Variants in CRYBG1 observed in about 807,000 individuals in gnomAD.
CRYBG1 encodes the protein crystallin beta-gamma domain containing 1.
Under a neutral mutation model 189.2 loss-of-function variants are expected in CRYBG1, and 139 were observed. The ratio of observed to expected loss-of-function variants is 0.73; its 90% CI spans 0.64 to 0.85. CRYBG1 has a LOEUF of 0.85. CRYBG1 is among the 40% of genes least tolerant of loss of function. The pLI, the probability that CRYBG1 is intolerant of heterozygous loss-of-function variation, is 0.00. For synonymous variants in CRYBG1, 1,023 were observed against 1,017.1 expected (o/e 1.01, Z -0.11); for missense variants, 2,611 against 2,675.8 (o/e 0.98, Z 0.53).
intron 2 of CRYBG1, among the ~76,000 whole-genome samples, chr6:106,483,903 C>A (rs1180591155): frequency 6.6e-6 from 1 of 152,044 alleles, no homozygotes; most frequent in Non-Finnish European, 1.5e-5. Context: ...TTTTACAAAT[C>A]TTATTTAAAA....
intron 2 of CRYBG1, among the ~76,000 whole-genome samples, chr6:106,467,679 TAGAA>T (rs67822229): frequency 0.084 from 12,791 of 151,968 alleles, 693 homozygotes; most frequent in East Asian, 0.21. Context: ...AAGAACAAAT[TAGAA>T]AGAGAAGAAT....
At chr6:106,559,174 T>A (rs1256611582) in intron 18 of CRYBG1, among the ~76,000 whole-genome samples, 1 of 152,202 alleles carries the variant, frequency 6.6e-6, no homozygotes, top group Non-Finnish European at 1.5e-5. Context: ...ACACCTCTCA[T>A]AGTCTAGCAA....
intron 1 of CRYBG1, among the ~76,000 whole-genome samples, chr6:106,389,292 T>C (rs1246798140): frequency 6.6e-6 from 1 of 152,192 alleles, no homozygotes; most frequent in Non-Finnish European, 1.5e-5. Flanking sequence ...CATTTTAATA[T>C]TGGTGTGTTT....
chr6:106,511,810 T>C lies in CRYBG1; in HGVS notation c.693T>C (p.Asp231=), dbSNP rs1390932988. The part of the protein sequence containing the change: ...AVAVQQCHEN[D]SPQLEPLEAE... ...CTGTGCAGCAGTGCCATGAAAATGA[T>C]TCACCCCAATTAGAACCTCTGGAGG... The change falls in exon 3 of 22, where the codon GAT becomes GAC. Residue 231 remains aspartate, a synonymous_variant. Transcript: ENST00000633556. 1 of 1,524,982 alleles carries C rather than the reference T, an allele frequency of 6.6e-7. No homozygotes were observed. The highest frequency in any genetic ancestry group is 8.8e-7 in the Non-Finnish European group (1 of 1,140,002). 94.5% of individuals were successfully genotyped at this position (1,524,982 alleles called of 1,614,324 possible).
At chr6:106,555,650 CTGTT>C (rs1774518971) in intron 16 of CRYBG1, 114 bp from the exon 17 acceptor site, 1 of 1,228,696 alleles carries the variant, frequency 8.1e-7, no homozygotes, top group Non-Finnish European at 1.1e-6. Context: ...AGAAAGAACT[CTGTT>C]TGCCAGAAGC....
chr6:106,512,202 G>A lies in CRYBG1; in HGVS notation c.1085G>A (p.Cys362Tyr). Residue 362 changes from cysteine (C) to tyrosine (Y), a missense_variant, in exon 3 of 22, where the codon TGC becomes TAC. Cys to Tyr is a radical substitution (Grantham distance 194). Around this residue, in one of 3 missense-constraint regions of CRYBG1, gnomAD observed 985 missense variants for 924.4 expected, o/e 1.07. Transcript: ENST00000633556. ...ACGGCCAGCTCCGCGCAGGCAGACT[G>A]CACAGCCCGCCCCAAGGGTCACGCC... is the stretch of plus-strand genomic sequence containing the variant. ...AHTASSAQADCTARPKGHAHP... is the reference protein window; with the variant it reads ...AHTASSAQADYTARPKGHAHP... 6.5e-7 allele frequency: 1 copy of A among 1,536,010 alleles called. No individual in the cohort carries two copies. The highest frequency in any genetic ancestry group is 8.7e-7 in the Non-Finnish European group (1 of 1,146,646).
At chr6:106,400,136 CAAA>C (rs11286627) in intron 1 of CRYBG1, among the ~76,000 whole-genome samples, 4,489 of 76,258 alleles carry the variant, frequency 0.059, 214 homozygotes, top group African/African-American at 0.19. Flanking sequence ...GACTCCATCT[CAAA>C]AAAAAAAAAA....
At chr6:106,507,896 T>G (rs1004702607) in intron 2 of CRYBG1, among the ~76,000 whole-genome samples, 1 of 152,168 alleles carries the variant, frequency 6.6e-6, no homozygotes, top group Non-Finnish European at 1.5e-5. Flanking sequence ...GGGAGAAGAC[T>G]GCATTCCCCT....
rs1218474786 is a variant in CRYBG1 at position 106,360,996 on chromosome 6, C to T, written c.88C>T (p.Arg30Cys). 2 of 1,535,094 alleles carry T rather than the reference C, an allele frequency of 1.3e-6. No individual in the cohort carries two copies. Among genetic ancestry groups the T allele is most frequent in the Non-Finnish European group, 1.7e-6 (2 of 1,146,590 alleles). ...PKKHTTFHLWRSKKKQQPAPP... is the reference protein window; with the variant it reads ...PKKHTTFHLWCSKKKQQPAPP... ...GAAGCACACCACCTTCCACCTCTGG[C>T]GCTCCAAAAAGAAGCAGCAGCCGGC... Residue 30 changes from arginine (R) to cysteine (C), a missense_variant, in exon 1 of 22, where the codon CGC becomes TGC. This residue lies in a region of CRYBG1 where 985 missense variants were observed against 924.4 expected (regional missense o/e 1.07). Transcript: ENST00000633556.
chr6:106,384,751 A>G lies in CRYBG1; in HGVS notation c.173+23670A>G, dbSNP rs1472658604. ...GTTAAGTATGTTTTAAAAGTAAAAC[A>G]TACTTTTAAGGCCACCCTAATTTGT... On this transcript the variant is annotated intron_variant, in intron 1 of 21. Transcript: ENST00000633556. Among the ~76,000 whole-genome samples, 4 of 152,064 alleles carry G rather than the reference A, an allele frequency of 2.6e-5. No homozygotes were observed. The South Asian group carries it at 8.3e-4, about 32-fold the overall frequency.
At chr6:106,548,407 G>C (rs1429394426) in intron 13 of CRYBG1, among the ~76,000 whole-genome samples, 3 of 152,198 alleles carry the variant, frequency 2.0e-5, no homozygotes, top group Non-Finnish European at 4.4e-5. Context: ...CAGTGAATTA[G>C]AGATAGGCTT....
At chr6:106,543,623 ATTTC>A in intron 11 of CRYBG1, 26 bp downstream of exon 11, 3 of 1,591,602 alleles carry the variant, frequency 1.9e-6, no homozygotes, top group Non-Finnish European at 2.6e-6. Flanking sequence ...ACTTGTTAGG[ATTTC>A]TTTTTTTTCC....
intron 1 of CRYBG1, among the ~76,000 whole-genome samples, chr6:106,397,421 G>T (rs1218750639): frequency 2.6e-5 from 4 of 152,154 alleles, no homozygotes; most frequent in Non-Finnish European, 1.5e-5. Flanking sequence ...TGTGACTATA[G>T]ACTCAAAGAG....
intron 1 of CRYBG1, among the ~76,000 whole-genome samples, chr6:106,362,108 C>T (rs9398079): frequency 0.66 from 99,290 of 149,596 alleles, 33,144 homozygotes; most frequent in African/African-American, 0.73. Context: ...TAGCTGGGAC[C>T]ACAGGCGCCC....
intron 3 of CRYBG1, among the ~76,000 whole-genome samples, chr6:106,515,268 A>G (rs1773391800): frequency 6.6e-6 from 1 of 152,248 alleles, no homozygotes. Context: ...AAGGCATTAC[A>G]ACATGAATTA....
chr6:106,377,922 A>C (rs539667012), intron 1 of CRYBG1, among the ~76,000 whole-genome samples: 134 of 152,292 alleles, frequency 8.8e-4, no homozygotes, highest in African/African-American at 3.1e-3. Flanking sequence ...TTTTAATTTT[A>C]GATTTCTCAG....
rs1773311682 is a variant in CRYBG1 at position 106,512,648 on chromosome 6, TC to T, written c.1536del (p.Thr513ArgfsTer110). On this transcript the variant is annotated frameshift_variant, in exon 3 of 22. Transcript: ENST00000633556. LOFTEE classifies it high-confidence loss of function. ...GAGCAAACAGCCACCCCCGGCTTCG[TC>T]CCCCACGAAGAGGAAGGGCAGGAGC... is the stretch of plus-strand genomic sequence containing the variant. ...DRSKQPPPAS[S>X]PTKRKGRSRA... 6.3e-7 allele frequency: 1 copy of T among 1,582,782 alleles called. No homozygotes were observed. Among genetic ancestry groups the T allele is most frequent in the Non-Finnish European group, 8.6e-7 (1 of 1,165,908 alleles).
rs868639345 is a variant in CRYBG1, at chr6:106,505,786, A to G, written c.313-5644A>G. Among the ~76,000 whole-genome samples, 3 of 151,958 alleles carry G rather than the reference A, an allele frequency of 2.0e-5. No individual in the cohort carries two copies. The South Asian group carries it at 6.2e-4, about 32-fold the overall frequency. On this transcript the variant is annotated intron_variant, in intron 2 of 21. Coordinates refer to ENST00000633556, the MANE Select transcript of CRYBG1 (RefSeq NM_001371242.2). The stretch of plus-strand genomic sequence containing the variant: ...GTTGCTCACTAGCACAAACACACAT[A>G]TGCATATGTTGTGAACAAGTAACAT...
chr6:106,556,653 G>A (rs955544128), intron 17 of CRYBG1, among the ~76,000 whole-genome samples: 37 of 152,280 alleles, frequency 2.4e-4, no homozygotes, highest in African/African-American at 8.4e-4. Flanking sequence ...TTAAAGTCTG[G>A]AAGTATCTGT....
Sources: allele counts gnomAD v4.1 joint callset (sites outside exome capture counted in the v4.1 genomes callset), GRCh38; gene constraint gnomAD v4.1.1; regional missense constraint gnomAD v4.1.1; transcripts MANE v1.5; gene names NCBI Gene and HGNC (gene_info 2026-07-23, HGNC 2026-07-21).